Variants in ALCAM observed in about 807,000 individuals in gnomAD.
ALCAM encodes the protein activated leukocyte cell adhesion molecule, also known as CD166 antigen.
ALCAM carries 30 observed loss-of-function variants against 70.9 expected under a neutral mutation model. The ratio of observed to expected loss-of-function variants is 0.42; its 90% CI spans 0.32 to 0.57. The LOEUF is 0.57. Among genes scored for constraint, ALCAM ranks in the 20% least tolerant of loss-of-function variants. The pLI is 0.11. For missense variants in ALCAM, 591 were observed against 695.1 expected (o/e 0.85, Z 1.68); for synonymous variants, 249 against 242.5 (o/e 1.03, Z -0.25).
chr3:105,519,218 T>G (rs1214935698), intron 1 of ALCAM, among the ~76,000 whole-genome samples: 1 of 151,990 alleles, frequency 6.6e-6, no homozygotes, highest in African/African-American at 2.4e-5. Context: ...AATGCCTGGG[T>G]TTTTTTAACC....
chr3:105,520,711 C>T (rs2035563), intron 2 of ALCAM, among the ~76,000 whole-genome samples: 147,303 of 152,260 alleles, frequency 0.97, 71,420 homozygotes, highest in East Asian at 1. Flanking sequence ...AAAATCAAAT[C>T]TTCTCAGGTA....
At chr3:105,462,651 T>G (rs1172707438) in intron 1 of ALCAM, among the ~76,000 whole-genome samples, 2 of 151,426 alleles carry the variant, frequency 1.3e-5, no homozygotes, top group East Asian at 3.9e-4. Context: ...AAGTGTTCAT[T>G]GCCCATAGCA....
chr3:105,425,658 A>G (rs1286357394), intron 1 of ALCAM, among the ~76,000 whole-genome samples: 4 of 151,864 alleles, frequency 2.6e-5, no homozygotes, highest in Non-Finnish European at 4.4e-5. Context: ...TGTACCATGC[A>G]GAACCTTATA....
intron 1 of ALCAM, among the ~76,000 whole-genome samples, chr3:105,397,001 T>G (rs1467388283): frequency 6.6e-6 from 1 of 152,102 alleles, no homozygotes; most frequent in Non-Finnish European, 1.5e-5. Flanking sequence ...AAAATAACCT[T>G]TTTTTGCGAG....
At chr3:105,395,802 A>T (rs1345703766) in intron 1 of ALCAM, among the ~76,000 whole-genome samples, 2 of 152,038 alleles carry the variant, frequency 1.3e-5, no homozygotes, top group Non-Finnish European at 2.9e-5. Flanking sequence ...GTCTGTCTCA[A>T]TTCCTCAGCT....
chr3:105,466,758 G>A (rs953178118), intron 1 of ALCAM, among the ~76,000 whole-genome samples: 1 of 151,368 alleles, frequency 6.6e-6, no homozygotes, highest in Non-Finnish European at 1.5e-5. Flanking sequence ...GTTCAAATGA[G>A]CAAGCAGATA....
chr3:105,502,922 TAAA>T (rs981772572), intron 1 of ALCAM, among the ~76,000 whole-genome samples: 3 of 152,336 alleles, frequency 2.0e-5, no homozygotes, highest in African/African-American at 7.2e-5. Context: ...AAACTTCTCT[TAAA>T]AAGAAAAATT....
chr3:105,415,512 A>C (rs1244781648), intron 1 of ALCAM, among the ~76,000 whole-genome samples: 1 of 152,136 alleles, frequency 6.6e-6, no homozygotes, highest in Non-Finnish European at 1.5e-5. Context: ...CCTGATGATC[A>C]GCCCCAAGGC....
Position 105,521,164 on chromosome 3 carries a change from G to A in ALCAM, c.174+997G>A, listed in dbSNP as rs903650342. 2.7e-5 allele frequency among the ~76,000 whole-genome samples: 4 copies of A among 150,906 alleles called. No homozygotes were observed. In the East Asian group the frequency reaches 5.8e-4, roughly 22 times the overall value. ...AAAATACAAAAAATTAGCCGGGCGC[G>A]GTGGCGGGCGCCTGTAGTCCCAGCT... On this transcript the variant is annotated intron_variant, in intron 2 of 15. Transcript: ENST00000306107.
chr3:105,497,215 A>G (rs957244364), intron 1 of ALCAM, among the ~76,000 whole-genome samples: 11 of 152,242 alleles, frequency 7.2e-5, no homozygotes, highest in African/African-American at 2.7e-4. Flanking sequence ...GTCACAGAAT[A>G]TACTGAAGAC....
At chr3:105,497,845 C>T (rs1228298912) in intron 1 of ALCAM, among the ~76,000 whole-genome samples, 1 of 151,980 alleles carries the variant, frequency 6.6e-6, no homozygotes, top group Non-Finnish European at 1.5e-5. Context: ...TCCTGGCTAA[C>T]ACGGTGAAAC....
intron 7 of ALCAM, among the ~76,000 whole-genome samples, chr3:105,540,553 T>G (rs1269388312): frequency 3.9e-5 from 6 of 152,034 alleles, no homozygotes; most frequent in Non-Finnish European, 8.8e-5. Flanking sequence ...TTGGTCATTA[T>G]GTATAATCTT....
intron 1 of ALCAM, among the ~76,000 whole-genome samples, chr3:105,448,084 T>G (rs1412263440): frequency 6.6e-6 from 1 of 152,180 alleles, no homozygotes; most frequent in African/African-American, 2.4e-5. Context: ...TTTCTAATGG[T>G]GTGGAAACCC....
Position 105,381,860 on chromosome 3 carries a change from G to C in ALCAM, c.73+14379G>C, listed in dbSNP as rs182290002. 1.3e-3 allele frequency among the ~76,000 whole-genome samples: 195 copies of C among 151,708 alleles called. 1 individual carries two copies. Among genetic ancestry groups the C allele is most frequent in the Non-Finnish European group, 2.0e-3 (138 of 67,836 alleles). ...TAATCTTTTCTCCCCTCTGCCATCAGAGTGATGTAAGATCTGAATCAACTC... is the reference window on the plus strand; with the variant it reads ...TAATCTTTTCTCCCCTCTGCCATCACAGTGATGTAAGATCTGAATCAACTC... On this transcript the variant is annotated intron_variant, in intron 1 of 15. Transcript: ENST00000306107.
In ALCAM at chr3:105,400,272, T is replaced by TA. The variant is rs558561741; in HGVS notation, c.73+32795dup. ...TTGAAAGCTTCTAATCTGCCATTGA[T>TA]AAAACAGATACTTTACTATTAGGTT... On this transcript the variant is annotated intron_variant, in intron 1 of 15. Transcript: ENST00000306107. 2.0e-3 allele frequency among the ~76,000 whole-genome samples: 297 copies of TA among 152,258 alleles called. 2 individuals are homozygous for TA. The highest frequency in any genetic ancestry group is 0.014 in the Middle Eastern group (4 of 294).
At chr3:105,428,011 A>T (rs943810641) in intron 1 of ALCAM, among the ~76,000 whole-genome samples, 3 of 151,962 alleles carry the variant, frequency 2.0e-5, no homozygotes, top group African/African-American at 7.2e-5. Context: ...AAATTTTGAA[A>T]AAGAAAAAAA....
intron 14 of ALCAM, among the ~76,000 whole-genome samples, chr3:105,567,385 T>C (rs1940767107): frequency 1.3e-5 from 2 of 152,178 alleles, no homozygotes; most frequent in South Asian, 4.1e-4. Context: ...TGTCAGCATA[T>C]GTTAGCCTGC....
At chr3:105,464,435 C>T (rs1053651889) in intron 1 of ALCAM, among the ~76,000 whole-genome samples, 1 of 151,184 alleles carries the variant, frequency 6.6e-6, no homozygotes, top group Admixed American at 6.6e-5. Flanking sequence ...GTAGGACAAT[C>T]TCAGTCCACA....
At position 105,410,763 on chromosome 3, in the gene ALCAM, T is replaced by A. The variant is rs561889928; in HGVS notation, c.73+43282T>A. 5.9e-5 allele frequency among the ~76,000 whole-genome samples: 9 copies of A among 152,076 alleles called. No homozygotes were observed. The South Asian group carries it at 1.2e-3, about 21-fold the overall frequency. On this transcript the variant is annotated intron_variant, in intron 1 of 15. Transcript: ENST00000306107. ...TTAAATTGCTTCATCTGTGAAAAAATGTTTGATGAATGCAGTACTCTCTTG... is the reference window on the plus strand; with the variant it reads ...TTAAATTGCTTCATCTGTGAAAAAAAGTTTGATGAATGCAGTACTCTCTTG...
Sources: gnomAD v4.1 joint callset for allele counts (sites outside exome capture counted in the v4.1 genomes callset) on GRCh38, gnomAD v4.1.1 for gene constraint, MANE v1.5 for transcripts, NCBI Gene and HGNC (gene_info 2026-07-23, HGNC 2026-07-21) for gene names.